The following PCDHGA5 variants were observed in gnomAD, a reference collection of about 807,000 sequenced individuals.
PCDHGA5 encodes the protein protocadherin gamma subfamily A, 5, also known as protocadherin gamma-A5.
A neutral mutation model predicts 56.7 loss-of-function variants in PCDHGA5; 36 were observed. The observed-to-expected ratio is 0.64, with a 90% CI of 0.49 to 0.84. The LOEUF (loss-of-function observed/expected upper bound fraction) is 0.84, where lower values mean the gene tolerates loss of function less well. Ranked by LOEUF, PCDHGA5 falls within the 40% of genes least tolerant of loss-of-function variation. The probability of loss-of-function intolerance (pLI) is 0.00; values close to 1 mark genes in which losing one functional copy is unlikely to be tolerated. For synonymous variants in PCDHGA5, 563 were observed against 520.2 expected (o/e 1.08, Z -1.12); for missense variants, 1,305 against 1,201.5 (o/e 1.09, Z -1.27).
Position 141,431,297 on chromosome 5 carries a change from C to G in PCDHGA5, c.2422-63510C>G. Reference sequence around the variant, plus strand: ...GCTCAGCCCGAACACTCACTTCTCCCTCATCGTGCAAAATGGAGCCGACGG... The same window carrying G: ...GCTCAGCCCGAACACTCACTTCTCCGTCATCGTGCAAAATGGAGCCGACGG... On this transcript the variant is annotated intron_variant, in intron 1 of 3. Transcript: ENST00000518069. The surrounding 1 kb of genome is among the most constrained non-coding windows in gnomAD (Gnocchi z 4.8). The G allele has an allele frequency of 6.2e-7, 1 of 1,614,126 alleles. No individual in the cohort carries two copies. The highest frequency in any genetic ancestry group is 8.5e-7 in the Non-Finnish European group (1 of 1,180,036).
rs751976949 is a variant in PCDHGA5, at chr5:141,414,873, C to A, written c.2421+48122C>A. The A allele has an allele frequency of 6.2e-6, 10 of 1,614,108 alleles. No homozygotes were observed. The Admixed American group carries it at 1.2e-4, about 19-fold the overall frequency. ...ACCAGAACGACAATGCGCCCGAGAT[C>A]CTGTACCCCGCCCTCCCCACAGACG... On this transcript the variant is annotated intron_variant, in intron 1 of 3. Transcript: ENST00000518069.
chr5:141,427,606 G>A (rs965315804), intron 1 of PCDHGA5: 2 of 688,192 alleles, frequency 2.9e-6, no homozygotes, highest in African/African-American at 3.5e-5. Flanking sequence ...CTACGCATTG[G>A]TGAAGTCAAC....
chr5:141,403,614 G>C (rs772617526), intron 1 of PCDHGA5: 1 of 1,613,860 alleles, frequency 6.2e-7, no homozygotes, highest in Admixed American at 1.7e-5. Context: ...GGCGAGCCGC[G>C]TCGCTCCAGC....
chr5:141,504,907 A>G (rs2099841813), intron 2 of PCDHGA5, among the ~76,000 whole-genome samples: 1 of 152,100 alleles, frequency 6.6e-6, no homozygotes, highest in African/African-American at 2.4e-5. Context: ...TCACTATGAC[A>G]GGAAGCCAGG....
At chr5:141,414,421 A>G (rs1250470349) in intron 1 of PCDHGA5, 1 of 1,613,776 alleles carries the variant, frequency 6.2e-7, no homozygotes, top group African/African-American at 1.3e-5. Flanking sequence ...AGCCCTTGAC[A>G]GGGAACAGGT....
chr5:141,482,041 T>C (rs1443886481), intron 1 of PCDHGA5, among the ~76,000 whole-genome samples: 2 of 150,190 alleles, frequency 1.3e-5, no homozygotes, highest in Non-Finnish European at 2.9e-5. Context: ...GCCAAGATCA[T>C]GCTGTTGCAT....
At chr5:141,408,879 C>A in intron 1 of PCDHGA5, 1 of 1,613,504 alleles carries the variant, frequency 6.2e-7, no homozygotes. Context: ...AGTGCCACCG[C>A]TCACATAGAA....
intron 1 of PCDHGA5, among the ~76,000 whole-genome samples, chr5:141,444,735 C>A (rs924159168): frequency 1.3e-5 from 2 of 152,116 alleles, no homozygotes; most frequent in Admixed American, 1.3e-4. Context: ...TGTTGAAAGT[C>A]ATTTCACTGA....
chr5:141,487,616 G>A lies in PCDHGA5; in HGVS notation c.2422-7191G>A. On this transcript the variant is annotated intron_variant, in intron 1 of 3. Transcript: ENST00000518069. This position sits in a 1 kb window ranked among gnomAD's most constrained non-coding sequence, Gnocchi z 5.0. ...CTCTGATCTTCTCTATGGGCTAGAG[G>A]TGAGACCTTTGCAGGCTCAACAAAT... 2 of 1,614,220 alleles carry A rather than the reference G, an allele frequency of 1.2e-6. No homozygotes were observed. The highest frequency in any genetic ancestry group is 1.7e-6 in the Non-Finnish European group (2 of 1,180,044).
At chr5:141,422,781 A>C (rs746943605) in intron 1 of PCDHGA5, 13 of 1,613,964 alleles carry the variant, frequency 8.1e-6, no homozygotes, top group African/African-American at 1.3e-5. Flanking sequence ...TCTATGCCCT[A>C]CAATCCTTCG....
Position 141,376,131 on chromosome 5 carries a change from A to T in PCDHGA5, c.2421+9380A>T, listed in dbSNP as rs200974904. ...CTGGGCAGCCTCGAGCCCTCCGCCA[A>T]ACCCAACGATTCGGACCTCACTCTG... On this transcript the variant is annotated intron_variant, in intron 1 of 3. Transcript: ENST00000518069. 6.9e-4 allele frequency: 1,114 copies of T among 1,613,772 alleles called. 8 individuals carry two copies. Among genetic ancestry groups the T allele is most frequent in the South Asian group, 4.3e-3 (393 of 91,038 alleles).
rs778538278 is a variant in PCDHGA5 at position 141,371,482 on chromosome 5, G to A, written c.2421+4731G>A. The A allele has an allele frequency of 1.4e-5, 22 of 1,613,812 alleles. No individual in the cohort carries two copies. The African/African-American group carries it at 2.8e-4, about 21-fold the overall frequency. Reference sequence around the variant, plus strand: ...CATATACAAGAAGATGCTGAGCTGGGGACTGCCGTTGCCCTGATCAAAACA... The same window carrying A: ...CATATACAAGAAGATGCTGAGCTGGAGACTGCCGTTGCCCTGATCAAAACA... On this transcript the variant is annotated intron_variant, in intron 1 of 3. Coordinates refer to ENST00000518069, the MANE Select transcript of PCDHGA5 (RefSeq NM_018918.3).
chr5:141,380,927 T>C (rs1776861991), intron 1 of PCDHGA5, among the ~76,000 whole-genome samples: 2 of 152,248 alleles, frequency 1.3e-5, no homozygotes, highest in African/African-American at 2.4e-5. Context: ...TTAATAATCA[T>C]ACACTTTGCT....
At position 141,374,694 on chromosome 5, in the gene PCDHGA5, G is replaced by T. The variant is rs375847789; in HGVS notation, c.2421+7943G>T. The T allele has an allele frequency of 1.2e-6, 2 of 1,609,362 alleles. No individual in the cohort carries two copies. Among genetic ancestry groups the T allele is most frequent in the Non-Finnish European group, 1.7e-6 (2 of 1,177,726 alleles). On this transcript the variant is annotated intron_variant, in intron 1 of 3. Coordinates refer to ENST00000518069, the MANE Select transcript of PCDHGA5 (RefSeq NM_018918.3). ...CTGGAGGGCACACTGGACCGGGAAG[G>T]AGAAGCCGTTTACCGCCTGGTCCTT...
rs768990626 is a variant in PCDHGA5, at chr5:141,427,590, C to T, written c.2421+60839C>T. On this transcript the variant is annotated intron_variant, in intron 1 of 3. Coordinates refer to ENST00000518069, the MANE Select transcript of PCDHGA5 (RefSeq NM_018918.3). ...GCCTCCGCTCTCATCCAGCACAAGCCTCACCCTACGCATTGGTGAAGTCAA... is the reference window on the plus strand; with the variant it reads ...GCCTCCGCTCTCATCCAGCACAAGCTTCACCCTACGCATTGGTGAAGTCAA... 44 of 678,892 alleles carry T rather than the reference C, an allele frequency of 6.5e-5. No individual in the cohort carries two copies. In the Admixed American group the frequency reaches 8.5e-4, roughly 13 times the overall value. The allele number at this position is 678,892 out of a possible 1,614,324, so 42.1% of individuals were successfully genotyped here.
At chr5:141,400,860 A>G (rs77207205) in intron 1 of PCDHGA5, among the ~76,000 whole-genome samples, 6,447 of 152,342 alleles carry the variant, frequency 0.042, 220 homozygotes, top group African/African-American at 0.092. Flanking sequence ...TATTGTATGT[A>G]GATAAACCAT....
Position 141,431,535 on chromosome 5 carries a change from C to T in PCDHGA5, c.2422-63272C>T. On this transcript the variant is annotated intron_variant, in intron 1 of 3. Coordinates refer to ENST00000518069, the MANE Select transcript of PCDHGA5 (RefSeq NM_018918.3). This position sits in a 1 kb window ranked among gnomAD's most constrained non-coding sequence, Gnocchi z 4.8. ...GTTCCGGAGAATCTGGCCTTGGGCA[C>T]GCAGCTGCTTGTAGTCAACGCTACC... is the stretch of plus-strand genomic sequence containing the variant. 3 of 1,614,076 alleles carry T rather than the reference C, an allele frequency of 1.9e-6. No individual in the cohort carries two copies. Among genetic ancestry groups the T allele is most frequent in the Non-Finnish European group, 2.5e-6 (3 of 1,180,038 alleles).
intron 1 of PCDHGA5, chr5:141,393,090 G>T: frequency 6.2e-7 from 1 of 1,613,626 alleles, no homozygotes; most frequent in South Asian, 1.1e-5. Flanking sequence ...GATAGATCGG[G>T]AGGAGCTCTG....
rs953397576 is a variant in PCDHGA5, at chr5:141,410,111, G to A, written c.2421+43360G>A. 6 of 1,612,264 alleles carry A rather than the reference G, an allele frequency of 3.7e-6. No homozygotes were observed. In the African/African-American group the frequency reaches 6.7e-5, roughly 18 times the overall value. On this transcript the variant is annotated intron_variant, in intron 1 of 3. Transcript: ENST00000518069. ...GGCTCGAGCCTTAGGCGACAGGGACGCAGCCCGCCAGCGCCTGCTGGTCGC... is the reference window on the plus strand; with the variant it reads ...GGCTCGAGCCTTAGGCGACAGGGACACAGCCCGCCAGCGCCTGCTGGTCGC...
Sources: gnomAD v4.1 joint callset for allele counts (sites outside exome capture counted in the v4.1 genomes callset) on GRCh38, gnomAD v4.1.1 for gene constraint, Gnocchi (gnomAD v3.1) non-coding constraint, MANE v1.5 for transcripts, NCBI Gene and HGNC (gene_info 2026-07-23, HGNC 2026-07-21) for gene names.